Variants in MRPL2 observed in about 807,000 individuals in gnomAD.
The protein encoded by MRPL2 is large ribosomal subunit protein uL2m.
Under a neutral mutation model 34.6 loss-of-function variants are expected in MRPL2, and 27 were observed. The ratio of observed to expected loss-of-function variants is 0.78; its 90% CI spans 0.58 to 1.08. The LOEUF (loss-of-function observed/expected upper bound fraction) is 1.08. Among genes scored for constraint, MRPL2 ranks in the 50% least tolerant of loss-of-function variants. The pLI, the probability that MRPL2 is intolerant of heterozygous loss-of-function variation, is 0.00. For missense variants in MRPL2, 414 were observed against 419.3 expected (o/e 0.99, Z 0.11); for synonymous variants, 155 against 158.0 (o/e 0.98, Z 0.14).
chr6:43,054,236 A>G lies in MRPL2; in HGVS notation c.*38T>C, dbSNP rs777710444. The G allele has an allele frequency of 9.5e-6, 12 of 1,269,254 alleles. No homozygotes were observed. The South Asian group carries it at 1.4e-4, about 15-fold the overall frequency. The allele number at this position is 1,269,254 out of a possible 1,614,324, so 78.6% of individuals were successfully genotyped here. On this transcript the variant is annotated 3_prime_UTR_variant, in exon 7 of 7. Coordinates refer to ENST00000388752, the MANE Select transcript of MRPL2 (RefSeq NM_015950.5). Reference sequence around the variant, plus strand: ...AAACAAAACCACAGTAACAGATTAAAACGGGGGGGGGGGGCATTTTATTAG... The same window carrying G: ...AAACAAAACCACAGTAACAGATTAAGACGGGGGGGGGGGGCATTTTATTAG...
Position 43,054,436 on chromosome 6 carries a change from A to G in MRPL2, c.756T>C (p.His252=). 3 of 1,614,180 alleles carry G rather than the reference A, an allele frequency of 1.9e-6. No individual in the cohort carries two copies. The highest frequency in any genetic ancestry group is 2.2e-5 in the East Asian group (1 of 44,882). The change falls in exon 7 of 7, where the codon CAT becomes CAC. Residue 252 remains histidine (H), a synonymous_variant. Transcript: ENST00000388752. ...ATVGRVSNVD[H]NKRVIGKAGR... ...CTGCCTTGCCAATGACCCGTTTGTTATGATCAACGTTGGATACTCGGCCTA... is the reference window on the plus strand; with the variant it reads ...CTGCCTTGCCAATGACCCGTTTGTTGTGATCAACGTTGGATACTCGGCCTA...
At chr6:43,054,595 G>A in intron 6 of MRPL2, 109 bp from the exon 7 acceptor site, 1 of 840,028 alleles carries the variant, frequency 1.2e-6, no homozygotes, top group African/African-American at 1.7e-5. Context: ...GAAGGGCGAG[G>A]GAAAAGGAAA....
chr6:43,056,398 G>A lies in MRPL2; in HGVS notation c.313C>T (p.Arg105Ter), dbSNP rs1253156635. Residue 105 changes from arginine (R) to a stop codon, truncating the protein, a stop_gained, in exon 3 of 7, where the codon CGA becomes TGA. Coordinates refer to ENST00000388752, the MANE Select transcript of MRPL2 (RefSeq NM_015950.5). LOFTEE classifies it high-confidence loss of function. Reference protein sequence around the residue: ...GIGGGHKQRYRMIDFLRFRPE... With the variant: ...GIGGGHKQRY ...CGGAAACGCAGAAAGTCAATCATTC[G>A]ATAACGTTGCTTGTGGCCCCCGCCA... The A allele has an allele frequency of 3.7e-6, 6 of 1,613,998 alleles. No individual in the cohort carries two copies. The highest frequency in any genetic ancestry group is 5.1e-6 in the Non-Finnish European group (6 of 1,180,032).
chr6:43,059,699 G>A, upstream of MRPL2: 3 of 1,303,300 alleles, frequency 2.3e-6, no homozygotes, highest in Non-Finnish European at 2.9e-6. Context: ...AGTCTTTGAG[G>A]GTATCCTGGG....
At chr6:43,059,457 G>T, upstream of MRPL2, 1 of 1,467,354 alleles carries the variant, frequency 6.8e-7, no homozygotes, top group Non-Finnish European at 9.0e-7. Flanking sequence ...CCGTCGCTCC[G>T]CAATAACGTA....
Position 43,055,577 on chromosome 6 carries a change from T to TG in MRPL2, c.672dup (p.Ile225HisfsTer7). 6.2e-7 allele frequency: 1 copy of TG among 1,614,106 alleles called. No individual in the cohort carries two copies. The highest frequency in any genetic ancestry group is 8.5e-7 in the Non-Finnish European group (1 of 1,180,038). Reference sequence around the variant, plus strand: ...TGCCTCTTAGAGGGCAGCTGGATAATGGCTGTGCCATTCACCTTCCGCAGT... The same window carrying TG: ...TGCCTCTTAGAGGGCAGCTGGATAATGGGCTGTGCCATTCACCTTCCGCAGT... On this transcript the variant is annotated frameshift_variant, in exon 6 of 7. Transcript: ENST00000388752. LOFTEE classifies it high-confidence loss of function.
chr6:43,054,238 CGGGGG>C lies in MRPL2; in HGVS notation c.*31_*35del. 4.1e-6 allele frequency: 4 copies of C among 982,234 alleles called. No individual in the cohort carries two copies. Among genetic ancestry groups the C allele is most frequent in the Non-Finnish European group, 5.7e-6 (4 of 704,338 alleles). The allele number at this position is 982,234 out of a possible 1,614,324, so 60.8% of individuals were successfully genotyped here. A position where few individuals can be genotyped will look rare whatever the true frequency, so the allele number is the denominator to read the frequency against. ...ACAAAACCACAGTAACAGATTAAAA[CGGGGG>C]GGGGGGGCATTTTATTAGAGTACAG... On this transcript the variant is annotated 3_prime_UTR_variant, in exon 7 of 7. Coordinates refer to ENST00000388752, the MANE Select transcript of MRPL2 (RefSeq NM_015950.5).
Position 43,056,075 on chromosome 6 carries a change from T to C in MRPL2, c.520+6A>G. 1 of 1,614,168 alleles carries C rather than the reference T, an allele frequency of 6.2e-7. No individual in the cohort carries two copies. The highest frequency in any genetic ancestry group is 1.1e-5 in the South Asian group (1 of 91,082). ...CCAGCCCACACATCTGGTAGCCATC[T>C]CTCACCTGCCATTCGGCCTATGTGG... is the stretch of plus-strand genomic sequence containing the variant. On this transcript the variant is annotated splice_donor_region_variant and intron_variant, in intron 4 of 6. Transcript: ENST00000388752.
chr6:43,058,286 T>G, intron 1 of MRPL2, 53 bp from the exon 2 acceptor site: 2 of 1,581,476 alleles, frequency 1.3e-6, no homozygotes, highest in Non-Finnish European at 1.7e-6. Context: ...AGGCAAAGCA[T>G]CAGAGAACCA....
chr6:43,057,068 G>A (rs1432165253), intron 2 of MRPL2, among the ~76,000 whole-genome samples: 2 of 152,208 alleles, frequency 1.3e-5, no homozygotes, highest in East Asian at 1.9e-4. Flanking sequence ...TTGCATGTGT[G>A]TGATGGGGTC....
Position 43,055,580 on chromosome 6 carries a change from CTG to C in MRPL2, c.668_669del (p.Thr223SerfsTer8), listed in dbSNP as rs1228391410. The stretch of plus-strand genomic sequence containing the variant: ...CTCTTAGAGGGCAGCTGGATAATGG[CTG>C]TGCCATTCACCTTCCGCAGTAGCAC... ...CGVLLRKVNG[T>X]AIIQLPSKRQ... On this transcript the variant is annotated frameshift_variant, in exon 6 of 7. Transcript: ENST00000388752. LOFTEE classifies it high-confidence loss of function. 6.2e-7 allele frequency: 1 copy of C among 1,614,000 alleles called. No homozygotes were observed. The highest frequency in any genetic ancestry group is 8.5e-7 in the Non-Finnish European group (1 of 1,180,038).
chr6:43,055,350 C>T (rs1764814931), intron 6 of MRPL2, among the ~76,000 whole-genome samples, 195 bp downstream of exon 6: 1 of 151,896 alleles, frequency 6.6e-6, no homozygotes, highest in Admixed American at 6.6e-5. Context: ...CAGAGCAAGA[C>T]TCTGTCTCGA....
chr6:43,055,599 C>A lies in MRPL2; in HGVS notation c.651G>T (p.Leu217=), dbSNP rs201152908. 12 of 1,614,004 alleles carry A rather than the reference C, an allele frequency of 7.4e-6. No individual in the cohort carries two copies. Among genetic ancestry groups the A allele is most frequent in the African/African-American group, 1.3e-5 (1 of 74,916 alleles). Residue 217 remains leucine (L), a synonymous_variant, in exon 6 of 7, where the codon CTG becomes CTT. Transcript: ENST00000388752. The part of the protein sequence containing the change: ...IRAAGTCGVL[L]RKVNGTAIIQ... ...TAATGGCTGTGCCATTCACCTTCCG[C>A]AGTAGCACACCACACGTCCCTGGGG...
At position 43,054,251 on chromosome 6, in the gene MRPL2, C is replaced by G. The variant is rs554839691; in HGVS notation, c.*23G>C. The stretch of plus-strand genomic sequence containing the variant: ...AACAGATTAAAACGGGGGGGGGGGG[C>G]ATTTTATTAGAGTACAGGGATATCA... On this transcript the variant is annotated 3_prime_UTR_variant, in exon 7 of 7. Transcript: ENST00000388752. The G allele has an allele frequency of 1.4e-3, 1,328 of 952,466 alleles. 13 individuals carry two copies. The South Asian group carries it at 0.024, about 17-fold the overall frequency. The allele number at this position is 952,466 out of a possible 1,614,324, so 59.0% of individuals were successfully genotyped here. A position where few individuals can be genotyped will look rare whatever the true frequency, so the allele number is the denominator to read the frequency against.
chr6:43,059,842 T>C, upstream of MRPL2: 9 of 1,166,216 alleles, frequency 7.7e-6, no homozygotes, highest in Non-Finnish European at 9.6e-6. Flanking sequence ...CCCCTCGGCG[T>C]CCAGACAGAT....
chr6:43,058,509 C>T (rs1258134298), intron 1 of MRPL2, among the ~76,000 whole-genome samples: 2 of 152,222 alleles, frequency 1.3e-5, no homozygotes, highest in Admixed American at 6.5e-5. Context: ...TTCCACACAT[C>T]CATGTACCAC....
rs1344166226 is a variant in MRPL2, at chr6:43,056,353, C to T, written c.358G>A (p.Gly120Arg). ...LRFRPEETKSGPFEEKVIQVR... is the reference protein window; with the variant it reads ...LRFRPEETKSRPFEEKVIQVR... ...TGGATAACCTTCTCCTCAAAGGGTC[C>T]TGACTTGGTCTCCTCAGGCCGGAAA... The change falls in exon 3 of 7, where the codon GGA becomes AGA. Residue 120 changes from glycine (G) to arginine (R), a missense_variant. Gly to Arg is a moderately radical substitution (Grantham distance 125). Transcript: ENST00000388752. 7.4e-6 allele frequency: 12 copies of T among 1,614,230 alleles called. No homozygotes were observed. Among genetic ancestry groups the T allele is most frequent in the Non-Finnish European group, 1.0e-5 (12 of 1,180,044 alleles).
At chr6:43,058,929 C>T in intron 1 of MRPL2, 1 of 561,736 alleles carries the variant, frequency 1.8e-6, no homozygotes, top group Non-Finnish European at 3.1e-6. Flanking sequence ...TCCTTATTTT[C>T]CTCATCTATA....
At chr6:43,059,584 C>A (rs965328306), upstream of MRPL2, 6 of 1,418,822 alleles carry the variant, frequency 4.2e-6, no homozygotes, top group African/African-American at 8.7e-5. Flanking sequence ...GAAACAGGCC[C>A]CGCCCCCCCA....
Sources: allele counts gnomAD v4.1 joint callset (sites outside exome capture counted in the v4.1 genomes callset), GRCh38; gene constraint gnomAD v4.1.1; transcripts MANE v1.5; gene names NCBI Gene and HGNC (gene_info 2026-07-23, HGNC 2026-07-21).